Variants in TRAPPC9 observed in about 807,000 individuals in gnomAD.
TRAPPC9 encodes IKK2 binding protein.
In TRAPPC9, 83 loss-of-function variants were observed where a neutral mutation model predicts 124.0. The observed-to-expected ratio is 0.67, with a 90% confidence interval of 0.56 to 0.80. The LOEUF is 0.80. TRAPPC9 is among the 30% of genes least tolerant of loss of function. TRAPPC9 has a pLI of 0.00. For missense variants in TRAPPC9, 1,302 were observed against 1,508.3 expected, an observed-to-expected ratio of 0.86 and a Z score of 2.27; for synonymous variants, 638 against 617.5, an observed-to-expected ratio of 1.03 and a Z score of -0.49.
chr8:139,959,572 C>G (rs557186139), intron 19 of TRAPPC9, among the ~76,000 whole-genome samples: 12 of 152,270 alleles, frequency 7.9e-5, no homozygotes, highest in African/African-American at 2.6e-4. Context: ...GTCCACCTTC[C>G]CACCACCAAC....
chr8:140,289,394 T>C (rs528057784), intron 12 of TRAPPC9, among the ~76,000 whole-genome samples: 6 of 152,250 alleles, frequency 3.9e-5, no homozygotes, highest in Admixed American at 1.3e-4. Context: ...GAGGAGCCAA[T>C]TGTCTCTAGG....
At position 140,166,451 on chromosome 8, in the gene TRAPPC9, C is replaced by A. The variant is rs115636269; in HGVS notation, c.2556+55008G>T. Among the ~76,000 whole-genome samples the A allele has an allele frequency of 3.4e-4, 52 of 152,340 alleles. 1 individual carries two copies. The highest frequency in any genetic ancestry group is 1.2e-3 in the African/African-American group (51 of 41,588). ...CGGAGTGGACACATGGTCCTCACCTCCAGGGAGCTCAAGCTCCCACAGGGA... is the reference window on the plus strand; with the variant it reads ...CGGAGTGGACACATGGTCCTCACCTACAGGGAGCTCAAGCTCCCACAGGGA... On this transcript the variant is annotated intron_variant, in intron 17 of 22. Transcript: ENST00000438773.
chr8:139,788,247 A>T lies in TRAPPC9; in HGVS notation c.3056-56045T>A, dbSNP rs1020974692. Among the ~76,000 whole-genome samples the T allele has an allele frequency of 4.6e-5, 7 of 152,170 alleles. No individual in the cohort carries two copies. Among genetic ancestry groups the T allele is most frequent in the Admixed American group, 6.5e-5 (1 of 15,280 alleles). ...GTGGCCCAGGACTCTGCTGAGCTTC[A>T]GGTCCTGGGTGGCTAATGTGTGTGT... On this transcript the variant is annotated intron_variant, in intron 21 of 22. Transcript: ENST00000438773. This position sits in a 1 kb window ranked among gnomAD's most constrained non-coding sequence, Gnocchi z 4.9.
intron 19 of TRAPPC9, among the ~76,000 whole-genome samples, chr8:139,926,535 CAACAAA>C: frequency 6.8e-6 from 1 of 146,150 alleles, no homozygotes; most frequent in Non-Finnish European, 1.5e-5. Context: ...TAGGAATTTA[CAACAAA>C]GAAATAGAAA....
At chr8:140,269,855 T>G (rs1308766084) in intron 15 of TRAPPC9, among the ~76,000 whole-genome samples, 5 of 152,046 alleles carry the variant, frequency 3.3e-5, no homozygotes, top group African/African-American at 1.2e-4. Flanking sequence ...TCCCAGCACT[T>G]TGGAAGGCCA....
chr8:140,073,063 G>A (rs901557844), intron 17 of TRAPPC9, among the ~76,000 whole-genome samples: 36 of 152,140 alleles, frequency 2.4e-4, no homozygotes, highest in African/African-American at 7.7e-4. Context: ...CATGGTGAAG[G>A]CGCACAGCAC....
chr8:140,231,994 G>A (rs917817510), intron 16 of TRAPPC9, among the ~76,000 whole-genome samples: 6 of 151,756 alleles, frequency 4.0e-5, no homozygotes, highest in African/African-American at 1.2e-4. Flanking sequence ...GGCTGGTCTC[G>A]AACTCCTGAC....
intron 15 of TRAPPC9, among the ~76,000 whole-genome samples, chr8:140,269,248 T>G (rs1215120216): frequency 6.6e-6 from 1 of 150,692 alleles, no homozygotes; most frequent in Admixed American, 6.6e-5. Flanking sequence ...TAAAAAAAAA[T>G]AAGATGGATT....
intron 19 of TRAPPC9, among the ~76,000 whole-genome samples, chr8:139,973,402 A>G (rs1039752673): frequency 2.0e-5 from 3 of 152,054 alleles, no homozygotes; most frequent in Non-Finnish European, 2.9e-5. Context: ...GTCCTGGATG[A>G]AAACCACAGG....
At chr8:139,834,411 CGT>C (rs934326663) in intron 21 of TRAPPC9, among the ~76,000 whole-genome samples, 1 of 152,218 alleles carries the variant, frequency 6.6e-6, no homozygotes, top group African/African-American at 2.4e-5. Flanking sequence ...AGGACAATGA[CGT>C]GTGTGTTCAC....
chr8:140,335,577 CTTCATTGGGAAACTGAAG>C (rs1433115599), intron 9 of TRAPPC9, among the ~76,000 whole-genome samples: 1 of 152,028 alleles, frequency 6.6e-6, no homozygotes, highest in Admixed American at 6.5e-5. Flanking sequence ...CAAATCCAGC[CTTCATTGGGAAACTGAAG>C]TTCAGAGGTC....
At chr8:139,792,265 C>T (rs1822745471) in intron 21 of TRAPPC9, among the ~76,000 whole-genome samples, 1 of 152,108 alleles carries the variant, frequency 6.6e-6, no homozygotes, top group African/African-American at 2.4e-5. Flanking sequence ...ACCTCTCCAT[C>T]TCAGGAGAGC....
chr8:140,373,348 C>T (rs1463519910), intron 7 of TRAPPC9, among the ~76,000 whole-genome samples: 4 of 152,224 alleles, frequency 2.6e-5, no homozygotes, highest in African/African-American at 7.2e-5. Context: ...GGTGACGCCG[C>T]CGGGGCACAC....
intron 17 of TRAPPC9, among the ~76,000 whole-genome samples, chr8:140,035,568 G>A (rs1325431746): frequency 6.6e-6 from 1 of 152,140 alleles, no homozygotes; most frequent in Non-Finnish European, 1.5e-5. Flanking sequence ...GCGCACACTG[G>A]GTCTCTCTCA....
chr8:140,226,004 T>C (rs543972543), intron 16 of TRAPPC9, among the ~76,000 whole-genome samples: 1 of 152,316 alleles, frequency 6.6e-6, no homozygotes, highest in East Asian at 1.9e-4. Context: ...TTTCTGGAAA[T>C]GGTCAGAAGT....
chr8:139,868,052 C>A (rs748321206), intron 21 of TRAPPC9, among the ~76,000 whole-genome samples: 1 of 152,222 alleles, frequency 6.6e-6, no homozygotes, highest in Non-Finnish European at 1.5e-5. Context: ...GGCATCAGAT[C>A]AACCACATAT....
intron 21 of TRAPPC9, among the ~76,000 whole-genome samples, chr8:139,734,869 C>T (rs1054522739): frequency 1.3e-5 from 2 of 152,218 alleles, no homozygotes; most frequent in Non-Finnish European, 2.9e-5. Flanking sequence ...GGAAGGCTTC[C>T]TGGAGGAAAG....
At chr8:140,086,142 T>C (rs1844171470) in intron 17 of TRAPPC9, among the ~76,000 whole-genome samples, 1 of 152,286 alleles carries the variant, frequency 6.6e-6, no homozygotes, top group South Asian at 2.1e-4. Context: ...TAACCAGGGC[T>C]TGGATCGTGT....
At chr8:140,359,973 G>A (rs1204527075) in intron 9 of TRAPPC9, 77 bp downstream of exon 9, 2 of 1,602,060 alleles carry the variant, frequency 1.2e-6, no homozygotes, top group African/African-American at 1.3e-5. Flanking sequence ...CAAGCCCAGG[G>A]TTTACATGAA....
Sources: allele counts gnomAD v4.1 joint callset (sites outside exome capture counted in the v4.1 genomes callset), GRCh38; gene constraint gnomAD v4.1.1; non-coding constraint Gnocchi (gnomAD v3.1); transcripts MANE v1.5; gene names NCBI Gene and HGNC (gene_info 2026-07-23, HGNC 2026-07-21).